Variants in MOXD1 observed in about 807,000 individuals in gnomAD.
MOXD1 encodes the protein DBH-like monooxygenase protein 1.
Under a neutral mutation model 66.6 loss-of-function variants are expected in MOXD1, and 62 were observed. The observed-to-expected ratio is 0.93, with a 90% CI of 0.76 to 1.15. The LOEUF is 1.15. Ranked by LOEUF, MOXD1 falls within the 50% of genes most tolerant of loss-of-function variation. The pLI, the probability that MOXD1 is intolerant of heterozygous loss-of-function variation, is 0.00. For missense variants in MOXD1, 847 were observed against 754.6 expected (o/e 1.12, Z -1.44); for synonymous variants, 303 against 281.9 (o/e 1.07, Z -0.75).
chr6:132,393,808 G>A (rs553516177), intron 1 of MOXD1, among the ~76,000 whole-genome samples: 1 of 152,164 alleles, frequency 6.6e-6, no homozygotes, highest in South Asian at 2.1e-4. Flanking sequence ...CCACTGTTGG[G>A]CTGAGGCAGG....
In MOXD1 at chr6:132,328,452, CAGGTGAGG is replaced by C. The variant is rs754887779; in HGVS notation, c.798_805del (p.Phe266LeufsTer2). On this transcript the variant is annotated frameshift_variant, in exon 5 of 12. Transcript: ENST00000367963. LOFTEE classifies it high-confidence loss of function. ...AGCCCAGGCAAAAATCACAGTTTCA[CAGGTGAGG>C]AATGCATCGGGCATGTTGGGGTGAT... The C allele has an allele frequency of 1.8e-4, 290 of 1,613,990 alleles. No homozygotes were observed. The highest frequency in any genetic ancestry group is 2.2e-4 in the Non-Finnish European group (265 of 1,180,026).
chr6:132,374,761 G>A lies in MOXD1; in HGVS notation c.281C>T (p.Ala94Val), dbSNP rs146200701. 4.4e-5 allele frequency: 71 copies of A among 1,613,288 alleles called. No homozygotes were observed. The African/African-American group carries it at 9.2e-4, about 21-fold the overall frequency. ...AGCATCTTTTTTCAACTCTCTATTTGCATTTGTAAAATAATCCTGTGGAAA... is the reference window on the plus strand; with the variant it reads ...AGCATCTTTTTTCAACTCTCTATTTACATTTGTAAAATAATCCTGTGGAAA... ...RPYLQDYFTN[A>V]NRELKKDAQQ... The change falls in exon 2 of 12, where the codon GCA becomes GTA. Residue 94 changes from alanine (A) to valine (V), a missense_variant. Ala to Val is a moderately conservative substitution (Grantham distance 64). Coordinates refer to ENST00000367963, the MANE Select transcript of MOXD1 (RefSeq NM_015529.4).
In MOXD1 at chr6:132,361,128, G is replaced by A. The variant is rs539823391; in HGVS notation, c.663+11480C>T. On this transcript the variant is annotated intron_variant, in intron 4 of 11. Coordinates refer to ENST00000367963, the MANE Select transcript of MOXD1 (RefSeq NM_015529.4). ...TAAAGTCAGTGAGGTGGTTTTCAGTGTATGGTTCCTAAAATGGACCCATTA... is the reference window on the plus strand; with the variant it reads ...TAAAGTCAGTGAGGTGGTTTTCAGTATATGGTTCCTAAAATGGACCCATTA... Among the ~76,000 whole-genome samples the A allele has an allele frequency of 5.3e-5, 8 of 152,254 alleles. No individual in the cohort carries two copies. The South Asian group carries it at 1.7e-3, about 32-fold the overall frequency.
intron 4 of MOXD1, among the ~76,000 whole-genome samples, chr6:132,366,834 C>A (rs1014186535): frequency 1.3e-5 from 2 of 152,046 alleles, no homozygotes; most frequent in African/African-American, 2.4e-5. Flanking sequence ...TAGGTGCCTA[C>A]TATAGGAAAA....
In MOXD1 at chr6:132,372,862, C is replaced by G. The variant is rs752886537; in HGVS notation, c.547G>C (p.Ala183Pro). The G allele has an allele frequency of 3.7e-6, 6 of 1,614,008 alleles. No individual in the cohort carries two copies. The Admixed American group carries it at 1.0e-4, about 27-fold the overall frequency. The change falls in exon 3 of 12, where the codon GCC becomes CCC. Residue 183 changes from alanine (A) to proline (P), a missense_variant. Transcript: ENST00000367963. ...TTTACCAGATCAAAGTATGGTAAGGCTGTAGATAGCACACTAGTTTTCTCA... is the reference window on the plus strand; with the variant it reads ...TTTACCAGATCAAAGTATGGTAAGGGTGTAGATAGCACACTAGTTTTCTCA... Reference protein sequence around the residue: ...NPEKTSVLSTALPYFDLVNQD... With the variant: ...NPEKTSVLSTPLPYFDLVNQD...
rs765733531 is a variant in MOXD1 at position 132,315,785 on chromosome 6, CAGAT to C, written c.1366-12_1366-9del. 5.6e-6 allele frequency: 9 copies of C among 1,612,666 alleles called. No homozygotes were observed. Among genetic ancestry groups the C allele is most frequent in the Non-Finnish European group, 7.6e-6 (9 of 1,179,286 alleles). On this transcript the variant is annotated splice_polypyrimidine_tract_variant and intron_variant, in intron 9 of 11. Coordinates refer to ENST00000367963, the MANE Select transcript of MOXD1 (RefSeq NM_015529.4). The stretch of plus-strand genomic sequence containing the variant: ...CCTGGTGCTTAGTCCTCCCTGAAAA[CAGAT>C]AGTTTATTTAGCAAAGTATGTGTTC...
At chr6:132,324,966 C>CAT (rs1195210265) in intron 6 of MOXD1, 2 of 146,700 alleles carry the variant, frequency 1.4e-5, no homozygotes, top group Non-Finnish European at 3.0e-5. Context: ...CACACACACA[C>CAT]ACACACACAC....
intron 4 of MOXD1, among the ~76,000 whole-genome samples, chr6:132,355,317 G>C (rs746065190): frequency 6.6e-5 from 10 of 152,092 alleles, no homozygotes; most frequent in Non-Finnish European, 4.4e-5. Flanking sequence ...GAGCTCCCAG[G>C]TCCTTTCCCA....
chr6:132,362,968 G>A (rs1776044418), intron 4 of MOXD1, among the ~76,000 whole-genome samples: 2 of 152,096 alleles, frequency 1.3e-5, no homozygotes, highest in Non-Finnish European at 2.9e-5. Flanking sequence ...TTGTTAATGA[G>A]CATTTGTAAT....
chr6:132,367,956 G>T (rs1347369224), intron 4 of MOXD1, among the ~76,000 whole-genome samples: 1 of 151,962 alleles, frequency 6.6e-6, no homozygotes, highest in Non-Finnish European at 1.5e-5. Context: ...GAGGACTAAG[G>T]GATGATGATT....
intron 10 of MOXD1, 132 bp from the exon 11 acceptor site, chr6:132,298,087 G>A (rs1408410173): frequency 1.6e-6 from 1 of 609,780 alleles, no homozygotes. Context: ...GCAAAATGTT[G>A]ATGAGCTCAT....
intron 10 of MOXD1, among the ~76,000 whole-genome samples, chr6:132,312,350 T>TA (rs1774848060): frequency 6.6e-6 from 1 of 152,170 alleles, no homozygotes; most frequent in African/African-American, 2.4e-5. Flanking sequence ...TTTTTAGTAT[T>TA]ATATGCTGAA....
At chr6:132,392,312 A>T (rs144148468) in intron 1 of MOXD1, 1 of 1,589,400 alleles carries the variant, frequency 6.3e-7, no homozygotes, top group Non-Finnish European at 8.6e-7. Context: ...GTAAGAAATG[A>T]TAACATATGT....
intron 4 of MOXD1, among the ~76,000 whole-genome samples, chr6:132,349,145 C>T (rs1485168692): frequency 6.6e-6 from 1 of 150,440 alleles, no homozygotes; most frequent in Non-Finnish European, 1.5e-5. Flanking sequence ...CACCCTTTCC[C>T]CCAAGTCCCC....
In MOXD1 at chr6:132,303,806, C is replaced by CGTGTGTGTGTGTGTGT. The variant is rs1562276293; in HGVS notation, c.1509-5852_1509-5851insACACACACACACACAC. Among the ~76,000 whole-genome samples, 6 of 91,332 alleles carry CGTGTGTGTGTGTGTGT rather than the reference C, an allele frequency of 6.6e-5. 2 individuals carry two copies. The South Asian group carries it at 2.0e-3, about 30-fold the overall frequency. 59.9% of individuals were successfully genotyped at this position (91,332 alleles called of 152,430 possible). On this transcript the variant is annotated intron_variant, in intron 10 of 11. Coordinates refer to ENST00000367963, the MANE Select transcript of MOXD1 (RefSeq NM_015529.4). ...ACACATATATACATATATACACACA[C>CGTGTGTGTGTGTGTGT]ATGTGTGTGTGTGTGTGTGTGTGTG...
chr6:132,339,661 T>C (rs73546032), intron 4 of MOXD1, among the ~76,000 whole-genome samples: 2,615 of 152,280 alleles, frequency 0.017, 85 homozygotes, highest in African/African-American at 0.06. Context: ...ATCCCATCCT[T>C]GATATGAGCT....
chr6:132,389,225 A>G (rs1776708441), intron 1 of MOXD1, among the ~76,000 whole-genome samples: 1 of 151,286 alleles, frequency 6.6e-6, no homozygotes, highest in Admixed American at 6.6e-5. Flanking sequence ...AATTAGAGAA[A>G]ATACTTACTC....
chr6:132,370,714 C>A (rs1776247138), intron 4 of MOXD1, among the ~76,000 whole-genome samples: 1 of 152,052 alleles, frequency 6.6e-6, no homozygotes, highest in African/African-American at 2.4e-5. Context: ...TAGAAGACCT[C>A]CAAACATTGC....
At chr6:132,368,428 C>T (rs1380740272) in intron 4 of MOXD1, among the ~76,000 whole-genome samples, 1 of 151,946 alleles carries the variant, frequency 6.6e-6, no homozygotes, top group Non-Finnish European at 1.5e-5. Flanking sequence ...TATTCACCTG[C>T]AATGTGATAT....
Sources: allele counts gnomAD v4.1 joint callset (sites outside exome capture counted in the v4.1 genomes callset), GRCh38; gene constraint gnomAD v4.1.1; transcripts MANE v1.5; gene names NCBI Gene and HGNC (gene_info 2026-07-23, HGNC 2026-07-21).